The following PRCC variants were observed in gnomAD, a reference collection of about 807,000 sequenced individuals.
PRCC encodes the protein proline rich mitotic checkpoint control factor.
A neutral mutation model predicts 44.0 loss-of-function variants in PRCC; 10 were observed. That is an observed-to-expected ratio of 0.23 (90% CI 0.14 to 0.39). PRCC has a LOEUF of 0.39. Ranked by LOEUF, PRCC falls within the 10% of genes least tolerant of loss-of-function variation. The pLI, the probability that PRCC is intolerant of heterozygous loss-of-function variation, is 1.00. For missense variants in PRCC, 573 were observed against 624.7 expected (o/e 0.92, Z 0.88); for synonymous variants, 278 against 259.5 (o/e 1.07, Z -0.69).
intron 6 of PRCC, among the ~76,000 whole-genome samples, chr1:156,798,316 C>T (rs980518695): frequency 2.0e-5 from 3 of 151,866 alleles, no homozygotes; most frequent in Non-Finnish European, 4.4e-5. Flanking sequence ...CACAAATTTC[C>T]TTTTTTTTGA....
intron 1 of PRCC, among the ~76,000 whole-genome samples, chr1:156,774,395 G>A (rs1180370427): frequency 5.3e-5 from 8 of 151,606 alleles, no homozygotes; most frequent in Non-Finnish European, 1.2e-4. Context: ...GGCTGGTCTC[G>A]AACCCCTGAC....
At chr1:156,775,512 ATT>A (rs373249918) in intron 1 of PRCC, among the ~76,000 whole-genome samples, 6 of 136,626 alleles carry the variant, frequency 4.4e-5, no homozygotes, top group Admixed American at 7.3e-5. Flanking sequence ...CCGATTTAAA[ATT>A]TTTTTTTTTT....
At chr1:156,781,909 C>G (rs576265967) in intron 1 of PRCC, among the ~76,000 whole-genome samples, 12 of 152,342 alleles carry the variant, frequency 7.9e-5, no homozygotes, top group African/African-American at 2.9e-4. Context: ...TCCCATTCAT[C>G]TTCTAGTGGA....
At chr1:156,783,170 G>T (rs551718481) in intron 2 of PRCC, among the ~76,000 whole-genome samples, 1 of 152,260 alleles carries the variant, frequency 6.6e-6, no homozygotes, top group East Asian at 1.9e-4. Flanking sequence ...TCTCCAAAGT[G>T]CTGGGATTAC....
chr1:156,794,481 G>A (rs186049051), intron 4 of PRCC, among the ~76,000 whole-genome samples, 184 bp from the exon 5 acceptor site: 1 of 152,328 alleles, frequency 6.6e-6, no homozygotes, highest in Admixed American at 6.5e-5. Flanking sequence ...GACGTTCTGA[G>A]TAGAAGTAGC....
At chr1:156,771,375 A>G (rs946779024) in intron 1 of PRCC, among the ~76,000 whole-genome samples, 2 of 152,202 alleles carry the variant, frequency 1.3e-5, no homozygotes, top group African/African-American at 4.8e-5. Context: ...CTGATCACAG[A>G]GTGGTGAGAA....
At chr1:156,795,292 T>TTTTTTTTTTTTTTTTTTG (rs1652626972) in intron 5 of PRCC, among the ~76,000 whole-genome samples, 1 of 124,284 alleles carries the variant, frequency 8.0e-6, no homozygotes, top group African/African-American at 3.1e-5. Flanking sequence ...GGTGTTTTTT[T>TTTTTTTTTTTTTTTTTTG]TTTTTTTTTT....
In PRCC at chr1:156,767,593, G is replaced by C. The variant is rs1292036310; in HGVS notation, c.-179G>C. 1.6e-6 allele frequency: 1 copy of C among 644,012 alleles called. No individual in the cohort carries two copies. Among genetic ancestry groups the C allele is most frequent in the Non-Finnish European group, 2.6e-6 (1 of 377,376 alleles). The allele number at this position is 644,012 out of a possible 1,614,324, so 39.9% of individuals were successfully genotyped here. On this transcript the variant is annotated 5_prime_UTR_variant, in exon 1 of 7. Coordinates refer to ENST00000271526, the MANE Select transcript of PRCC (RefSeq NM_005973.5). ...GAGCTTAAGTGAAGAGGTACGCCTT[G>C]TTCGGTGGAAATCAGCCGTAGCCAT...
chr1:156,797,171 G>C, intron 5 of PRCC, 105 bp from the exon 6 acceptor site: 1 of 1,328,850 alleles, frequency 7.5e-7, no homozygotes, highest in South Asian at 1.2e-5. Flanking sequence ...CCAGGATTTG[G>C]GCTGTGGAAT....
intron 1 of PRCC, 92 bp from the exon 2 acceptor site, chr1:156,782,190 C>T (rs906490449): frequency 7.4e-6 from 9 of 1,215,472 alleles, no homozygotes; most frequent in South Asian, 1.4e-5. Flanking sequence ...AAGATGGCCA[C>T]TGTTGTCCAA....
In PRCC at chr1:156,782,377, C is replaced by T. The variant is rs1483905639; in HGVS notation, c.516+48C>T. 9 of 1,506,046 alleles carry T rather than the reference C, an allele frequency of 6.0e-6. No homozygotes were observed. The South Asian group carries it at 6.9e-5, about 12-fold the overall frequency. 93.3% of individuals were successfully genotyped at this position (1,506,046 alleles called of 1,614,324 possible). A position where few individuals can be genotyped will look rare whatever the true frequency, so the allele number is the denominator to read the frequency against. The stretch of plus-strand genomic sequence containing the variant: ...TTTTTTTTCTCTTCCTGTATTATTT[C>T]CTCAAAGACAGGACTTACAGTATCC... On this transcript the variant is annotated intron_variant, in intron 2 of 6. Coordinates refer to ENST00000271526, the MANE Select transcript of PRCC (RefSeq NM_005973.5).
intron 2 of PRCC, among the ~76,000 whole-genome samples, chr1:156,785,369 G>A (rs1205828905): frequency 6.6e-6 from 1 of 152,010 alleles, no homozygotes; most frequent in Non-Finnish European, 1.5e-5. Flanking sequence ...AATTAGCCAG[G>A]CATGCGTGGT....
intron 3 of PRCC, 183 bp from the exon 4 acceptor site, chr1:156,791,514 G>T: frequency 1.7e-6 from 1 of 593,174 alleles, no homozygotes; most frequent in Non-Finnish European, 3.0e-6. Context: ...TGTAGGGACT[G>T]TTCTTGAGTT....
At chr1:156,773,039 C>T (rs1651689748) in intron 1 of PRCC, among the ~76,000 whole-genome samples, 1 of 151,916 alleles carries the variant, frequency 6.6e-6, no homozygotes, top group African/African-American at 2.4e-5. Context: ...ATGAGGAGTG[C>T]AAAAATGGGA....
intron 1 of PRCC, among the ~76,000 whole-genome samples, chr1:156,776,481 GT>G (rs1651834224): frequency 6.6e-6 from 1 of 151,296 alleles, no homozygotes; most frequent in African/African-American, 2.4e-5. Flanking sequence ...TTTTTTTTGT[GT>G]GTGTGCTTTT....
intron 1 of PRCC, among the ~76,000 whole-genome samples, chr1:156,779,443 G>T (rs1291354106): frequency 6.6e-6 from 1 of 151,956 alleles, no homozygotes; most frequent in Admixed American, 6.6e-5. Context: ...GGCGCTCACT[G>T]TAACCTCCGC....
chr1:156,780,624 A>AT (rs1291393932), intron 1 of PRCC, among the ~76,000 whole-genome samples: 1 of 151,852 alleles, frequency 6.6e-6, no homozygotes, highest in Non-Finnish European at 1.5e-5. Flanking sequence ...CTAAATTTAT[A>AT]TTTTTAGTTT....
intron 2 of PRCC, among the ~76,000 whole-genome samples, chr1:156,786,286 G>A (rs960571311): frequency 1.3e-5 from 2 of 152,188 alleles, no homozygotes; most frequent in Non-Finnish European, 2.9e-5. Flanking sequence ...GAAGGACGAT[G>A]TGAGGTTAAG....
chr1:156,779,112 ATATATATATATATATATTTTTTTTTTTT>A (rs1651936428), intron 1 of PRCC, among the ~76,000 whole-genome samples: 1 of 16,512 alleles, frequency 6.1e-5, no homozygotes. Flanking sequence ...TAATATATAT[ATATATATATATATATATTTTTTTTTTTT>A]TTTTTTTTTT....
Sources: allele counts gnomAD v4.1 joint callset (sites outside exome capture counted in the v4.1 genomes callset), GRCh38; gene constraint gnomAD v4.1.1; transcripts MANE v1.5; gene names NCBI Gene and HGNC (gene_info 2026-07-23, HGNC 2026-07-21).